ITPR2: variants seen among roughly 807,000 people sequenced by gnomAD.
ITPR2 encodes the protein inositol 1,4,5-trisphosphate-gated calcium channel ITPR2.
In ITPR2, 207 loss-of-function variants were observed where a neutral mutation model predicts 317.1. The ratio of observed to expected loss-of-function variants is 0.65; its 90% CI spans 0.58 to 0.73. The LOEUF (loss-of-function observed/expected upper bound fraction) is 0.73. ITPR2 is among the 30% of genes least tolerant of loss of function. The pLI, the probability that ITPR2 is intolerant of heterozygous loss-of-function variation, is 0.00. For synonymous variants in ITPR2, 1,156 were observed against 1,149.1 expected (o/e 1.01, Z -0.12); for missense variants, 2,613 against 3,284.0 (o/e 0.80, Z 4.99).
At chr12:26,494,823 T>TA (rs1301507966) in intron 38 of ITPR2, among the ~76,000 whole-genome samples, 1 of 150,080 alleles carries the variant, frequency 6.7e-6, no homozygotes, top group Non-Finnish European at 1.5e-5. Context: ...TCAAAGTTTG[T>TA]AAAAATAGAA....
At chr12:26,444,619 A>G (rs567489837) in intron 45 of ITPR2, among the ~76,000 whole-genome samples, 11 of 152,246 alleles carry the variant, frequency 7.2e-5, no homozygotes, top group African/African-American at 2.6e-4. Flanking sequence ...AGTGTAAGGA[A>G]CTTGTTTGTG....
intron 26 of ITPR2, among the ~76,000 whole-genome samples, chr12:26,614,247 G>A (rs1004623643): frequency 4.0e-5 from 6 of 151,876 alleles, no homozygotes; most frequent in African/African-American, 1.5e-4. Context: ...CAAGCAACAA[G>A]GGCACAAGAT....
chr12:26,750,390 C>T (rs1156478195), intron 2 of ITPR2, among the ~76,000 whole-genome samples: 2 of 152,138 alleles, frequency 1.3e-5, no homozygotes, highest in Non-Finnish European at 2.9e-5. Context: ...ATAGATGGGA[C>T]CCTCCTCTTC....
intron 55 of ITPR2, among the ~76,000 whole-genome samples, chr12:26,377,416 A>G (rs1306324738): frequency 6.6e-6 from 1 of 152,224 alleles, no homozygotes; most frequent in Non-Finnish European, 1.5e-5. Flanking sequence ...CATCTTTAAA[A>G]AATAAAAAAT....
At chr12:26,539,931 T>C (rs921342601) in intron 37 of ITPR2, among the ~76,000 whole-genome samples, 1 of 152,250 alleles carries the variant, frequency 6.6e-6, no homozygotes, top group African/African-American at 2.4e-5. Flanking sequence ...AACATTTACA[T>C]CTACTATGTG....
At chr12:26,480,206 A>G (rs1942514819) in intron 43 of ITPR2, among the ~76,000 whole-genome samples, 1 of 152,204 alleles carries the variant, frequency 6.6e-6, no homozygotes, top group African/African-American at 2.4e-5. Flanking sequence ...GCTCATCTCA[A>G]TTGAATATCA....
chr12:26,518,590 T>C (rs1032691264), intron 37 of ITPR2, among the ~76,000 whole-genome samples: 2 of 152,112 alleles, frequency 1.3e-5, no homozygotes, highest in Non-Finnish European at 2.9e-5. Flanking sequence ...GAAAAATCTG[T>C]ATCCTCAAAA....
chr12:26,537,377 G>C (rs1944126655), intron 37 of ITPR2, among the ~76,000 whole-genome samples: 1 of 152,202 alleles, frequency 6.6e-6, no homozygotes, highest in Non-Finnish European at 1.5e-5. Context: ...GCATACACCA[G>C]GGTGGTAGAT....
chr12:26,633,728 A>G (rs915578149), intron 21 of ITPR2, among the ~76,000 whole-genome samples: 2 of 152,170 alleles, frequency 1.3e-5, no homozygotes, highest in Non-Finnish European at 2.9e-5. Context: ...GTTGTTGGCA[A>G]TGATTTTGAG....
At chr12:26,686,404 T>A (rs994412000) in intron 11 of ITPR2, 77 bp downstream of exon 11, 1 of 898,244 alleles carries the variant, frequency 1.1e-6, no homozygotes, top group East Asian at 2.9e-5. Context: ...TAAAAATATA[T>A]TAATATTATT....
intron 2 of ITPR2, among the ~76,000 whole-genome samples, chr12:26,771,163 C>T (rs7965103): frequency 1.3e-5 from 2 of 152,092 alleles, no homozygotes; most frequent in African/African-American, 2.4e-5. Context: ...AGTGCCCAGA[C>T]GTTATATAAA....
At chr12:26,469,794 T>C (rs61914029) in intron 45 of ITPR2, among the ~76,000 whole-genome samples, 15,265 of 152,198 alleles carry the variant, frequency 0.1, 1,023 homozygotes, top group Non-Finnish European at 0.15. Context: ...TCCACAGTGG[T>C]AAACTGATGG....
intron 55 of ITPR2, among the ~76,000 whole-genome samples, chr12:26,376,517 C>T (rs1463577178): frequency 6.6e-6 from 1 of 152,032 alleles, no homozygotes; most frequent in South Asian, 2.1e-4. Flanking sequence ...ATTATTGTTG[C>T]TGGGTAATAA....
rs749313782 is a variant in ITPR2 at position 26,628,107 on chromosome 12, T to C, written c.2990A>G (p.Lys997Arg). Residue 997 changes from lysine to arginine, a missense_variant, in exon 23 of 57, where the codon AAG becomes AGG. Physicochemically the swap from Lys to Arg is conservative, Grantham distance 26. This residue lies in a region of ITPR2 where 817 missense variants were observed against 897.6 expected (regional missense o/e 0.91). Transcript: ENST00000381340. ...GTCATTGTCCTCTCCAAACTCCTTC[T>C]TATATATTGACAGCATATATGAGAT... ...YRISYMLSIY[K>R]KEFGEDNDNA... is the part of the protein sequence containing the mutation. 8.1e-6 allele frequency: 13 copies of C among 1,611,234 alleles called. No individual in the cohort carries two copies. In the Admixed American group the frequency reaches 1.7e-4, roughly 21 times the overall value.
intron 35 of ITPR2, among the ~76,000 whole-genome samples, chr12:26,558,154 T>G (rs1406928024): frequency 6.6e-6 from 1 of 152,202 alleles, no homozygotes; most frequent in Non-Finnish European, 1.5e-5. Context: ...AAACTAGATA[T>G]TATATAAAAG....
At chr12:26,507,762 G>T (rs1943223664) in intron 37 of ITPR2, among the ~76,000 whole-genome samples, 1 of 152,024 alleles carries the variant, frequency 6.6e-6, no homozygotes, top group South Asian at 2.1e-4. Flanking sequence ...AAGAGAGGAA[G>T]AATCATTTCA....
In ITPR2 at chr12:26,631,938, C is replaced by A; in HGVS notation, c.2862G>T (p.Lys954Asn). ...CCTCGTGCTCGGTGGGGCTCCCTTG[C>A]TTGCTCGGGTGGATGCTGGGTGGCA... ...PDVPPSIHPSKQGSPTEHEDV... is the reference protein window; with the variant it reads ...PDVPPSIHPSNQGSPTEHEDV... Residue 954 changes from lysine (K) to asparagine (N), a missense_variant, in exon 22 of 57, where the codon AAG becomes AAT. Physicochemically the swap from Lys to Asn is moderately conservative, Grantham distance 94. Transcript: ENST00000381340. 2 of 1,613,978 alleles carry A rather than the reference C, an allele frequency of 1.2e-6. No individual in the cohort carries two copies. The highest frequency in any genetic ancestry group is 1.7e-6 in the Non-Finnish European group (2 of 1,179,958).
chr12:26,587,290 T>G, intron 32 of ITPR2, among the ~76,000 whole-genome samples: 1 of 150,740 alleles, frequency 6.6e-6, no homozygotes, highest in Non-Finnish European at 1.5e-5. Flanking sequence ...AATATATATA[T>G]ATATATATAT....
intron 9 of ITPR2, among the ~76,000 whole-genome samples, chr12:26,709,469 C>T (rs1373752273): frequency 6.6e-6 from 1 of 152,162 alleles, no homozygotes; most frequent in Admixed American, 6.5e-5. Flanking sequence ...TTGCTTTCTA[C>T]TTCTCCATTT....
Sources: gnomAD v4.1 joint callset for allele counts (sites outside exome capture counted in the v4.1 genomes callset) on GRCh38, gnomAD v4.1.1 for gene constraint, gnomAD v4.1.1 regional missense constraint, MANE v1.5 for transcripts, NCBI Gene and HGNC (gene_info 2026-07-23, HGNC 2026-07-21) for gene names.